Variants in ADAMTS9 observed in about 807,000 individuals in gnomAD.
ADAMTS9 encodes A disintegrin and metalloproteinase with thrombospondin motifs 9.
A neutral mutation model predicts 257.1 loss-of-function variants in ADAMTS9; 107 were observed. That is an observed-to-expected ratio of 0.42 (90% CI 0.36 to 0.49). ADAMTS9 has a LOEUF of 0.49. ADAMTS9 is among the 20% of genes least tolerant of loss of function. The probability of loss-of-function intolerance (pLI) is 0.03; values close to 1 mark genes in which losing one functional copy is unlikely to be tolerated. For synonymous variants in ADAMTS9, 982 were observed against 880.9 expected (o/e 1.11, Z -2.03); for missense variants, 2,353 against 2,469.1 (o/e 0.95, Z 1.00).
At chr3:64,589,106 G>C (rs2084213273) in intron 28 of ADAMTS9, 1 of 152,082 alleles carries the variant, frequency 6.6e-6, no homozygotes, top group African/African-American at 2.4e-5. Context: ...ATTCCTTATA[G>C]TCAAAATCTT....
intron 31 of ADAMTS9, among the ~76,000 whole-genome samples, chr3:64,547,685 A>C (rs2083220639): frequency 6.6e-6 from 1 of 151,922 alleles, no homozygotes; most frequent in African/African-American, 2.4e-5. Flanking sequence ...GCTAGGCTAT[A>C]GATGTTGACT....
intron 29 of ADAMTS9, 34 bp downstream of exon 29, chr3:64,568,334 A>C (rs1262105116): frequency 6.3e-7 from 1 of 1,579,564 alleles, no homozygotes; most frequent in East Asian, 2.3e-5. Context: ...GCCAAACGTA[A>C]GGAAGCAGTC....
At position 64,604,307 on chromosome 3, in the gene ADAMTS9, G is replaced by A; in HGVS notation, c.3499C>T (p.Pro1167Ser). ...CTCGTTTCCGGGGCAGCTGGGGGAG[G>A]ATGACATGATGGTAATTCACAGTCC... Reference protein sequence around the residue: ...TQDCELPSCHPPPAAPETRRS... With the variant: ...TQDCELPSCHSPPAAPETRRS... The change falls in exon 24 of 40, where the codon CCT becomes TCT. Residue 1167 changes from proline (P) to serine (S), a missense_variant. Transcript: ENST00000498707. 3 of 1,612,250 alleles carry A rather than the reference G, an allele frequency of 1.9e-6. No homozygotes were observed. The highest frequency in any genetic ancestry group is 2.5e-6 in the Non-Finnish European group (3 of 1,179,336).
At chr3:64,582,588 G>C (rs1051772193) in intron 28 of ADAMTS9, 3 of 152,184 alleles carry the variant, frequency 2.0e-5, no homozygotes, top group African/African-American at 7.2e-5. Flanking sequence ...GGGTGATATT[G>C]CCTCCCAGGG....
intron 3 of ADAMTS9, among the ~76,000 whole-genome samples, chr3:64,680,278 G>A (rs1373702412): frequency 6.6e-6 from 1 of 152,166 alleles, no homozygotes; most frequent in African/African-American, 2.4e-5. Context: ...GAAAGACCCT[G>A]AGATGCTATT....
At chr3:64,583,802 G>T (rs538651499) in intron 28 of ADAMTS9, 1 of 152,304 alleles carries the variant, frequency 6.6e-6, no homozygotes, top group South Asian at 2.1e-4. Flanking sequence ...GATGGGAGTT[G>T]TAAAGGGCCT....
chr3:64,530,100 G>C (rs543632441), intron 38 of ADAMTS9, among the ~76,000 whole-genome samples: 1 of 144,578 alleles, frequency 6.9e-6, no homozygotes, highest in African/African-American at 2.5e-5. Flanking sequence ...CTGGGATTAT[G>C]GGCACAAGGC....
At chr3:64,539,361 G>A in intron 36 of ADAMTS9, 67 bp from the exon 37 acceptor site, 1 of 1,332,490 alleles carries the variant, frequency 7.5e-7, no homozygotes, top group Non-Finnish European at 1.1e-6. Context: ...GGAAGGAACA[G>A]GACATTAACA....
intron 37 of ADAMTS9, among the ~76,000 whole-genome samples, chr3:64,537,627 C>T (rs115633128): frequency 5.3e-5 from 8 of 152,172 alleles, no homozygotes; most frequent in Admixed American, 6.5e-5. Flanking sequence ...TGTCTTCGGA[C>T]GTTCTCTGTA....
chr3:64,538,921 C>T (rs2083086149), intron 37 of ADAMTS9, among the ~76,000 whole-genome samples: 1 of 152,108 alleles, frequency 6.6e-6, no homozygotes, highest in South Asian at 2.1e-4. Flanking sequence ...TTTGTTTAAC[C>T]AAGCCCTCGC....
intron 19 of ADAMTS9, among the ~76,000 whole-genome samples, chr3:64,618,569 C>CAACTAGGAA (rs1404883450): frequency 6.6e-6 from 1 of 152,174 alleles, no homozygotes; most frequent in Non-Finnish European, 1.5e-5. Flanking sequence ...TTGCGTGCTT[C>CAACTAGGAA]ACTAAGCCTC....
chr3:64,627,445 A>G (rs1380508968), intron 16 of ADAMTS9, among the ~76,000 whole-genome samples: 1 of 152,144 alleles, frequency 6.6e-6, no homozygotes, highest in Non-Finnish European at 1.5e-5. Context: ...CATTGCCACA[A>G]TTAATCAAGA....
intron 3 of ADAMTS9, among the ~76,000 whole-genome samples, chr3:64,671,041 A>G (rs1701473585): frequency 6.6e-6 from 1 of 152,172 alleles, no homozygotes; most frequent in Non-Finnish European, 1.5e-5. Flanking sequence ...ATGCCTAGGT[A>G]TTTATCCAAA....
At chr3:64,540,982 GCAATGT>G (rs2083113244) in intron 36 of ADAMTS9, 107 bp downstream of exon 36, 25 of 99,240 alleles carry the variant, frequency 2.5e-4, no homozygotes, top group Non-Finnish European at 9.5e-4. Context: ...TAGCCAATGT[GCAATGT>G]GCAATGTGCA....
At chr3:64,654,227 C>A (rs77287082) in intron 8 of ADAMTS9, 126 bp downstream of exon 8, 10,641 of 972,522 alleles carry the variant, frequency 0.011, 232 homozygotes, top group South Asian at 0.054. Flanking sequence ...CTCTTCAACC[C>A]TGCAACTCTA....
rs765924475 is a variant in ADAMTS9 at position 64,658,597 on chromosome 3, G to A, written c.874C>T (p.Pro292Ser). 3 of 1,614,024 alleles carry A rather than the reference G, an allele frequency of 1.9e-6. No homozygotes were observed. The highest frequency in any genetic ancestry group is 2.5e-6 in the Non-Finnish European group (3 of 1,180,008). Reference sequence around the variant, plus strand: ...ACCACCAAGACTTCTACAAACCGTGGATAGGATAAAAAACGTTTTGTCCTT... The same window carrying A: ...ACCACCAAGACTTCTACAAACCGTGAATAGGATAAAAAACGTTTTGTCCTT... ...HRRTKRFLSY[P>S]RFVEVLVVAD... The change falls in exon 4 of 40, where the codon CCA becomes TCA. Residue 292 changes from proline to serine, a missense_variant. Pro to Ser is a moderately conservative substitution (Grantham distance 74). Coordinates refer to ENST00000498707, the MANE Select transcript of ADAMTS9 (RefSeq NM_182920.2).
intron 19 of ADAMTS9, among the ~76,000 whole-genome samples, chr3:64,619,079 A>G (rs1421204190): frequency 1.3e-5 from 2 of 152,200 alleles, no homozygotes; most frequent in Admixed American, 6.5e-5. Flanking sequence ...ACTTAAAAAG[A>G]GGGTTCTTAA....
chr3:64,549,728 C>T (rs1276981398), intron 31 of ADAMTS9, among the ~76,000 whole-genome samples: 2 of 152,186 alleles, frequency 1.3e-5, no homozygotes, highest in Non-Finnish European at 2.9e-5. Flanking sequence ...CTGGCCTCCA[C>T]CTTCCAACCC....
intron 28 of ADAMTS9, chr3:64,589,365 C>T (rs547445076): frequency 6.6e-6 from 1 of 152,198 alleles, no homozygotes; most frequent in South Asian, 2.1e-4. Context: ...TAAACAGGAA[C>T]CTAAAAGTTC....
Sources: allele counts gnomAD v4.1 joint callset (sites outside exome capture counted in the v4.1 genomes callset), GRCh38; gene constraint gnomAD v4.1.1; transcripts MANE v1.5; gene names NCBI Gene and HGNC (gene_info 2026-07-23, HGNC 2026-07-21).